KCNH1: variants seen among roughly 807,000 people sequenced by gnomAD.
KCNH1 encodes the protein voltage-gated delayed rectifier potassium channel KCNH1.
In KCNH1, 27 loss-of-function variants were observed where a neutral mutation model predicts 69.2. The ratio of observed to expected loss-of-function variants is 0.39; its 90% confidence interval spans 0.29 to 0.54. The LOEUF (loss-of-function observed/expected upper bound fraction) is 0.54. Ranked by LOEUF, KCNH1 falls within the 20% of genes least tolerant of loss-of-function variation. The pLI is 0.68. For missense variants in KCNH1, 798 were observed against 1,261.6 expected (o/e 0.63, Z 5.57); for synonymous variants, 456 against 487.7 (o/e 0.93, Z 0.86).
chr1:210,950,215 TC>T (rs980724583), intron 6 of KCNH1, among the ~76,000 whole-genome samples: 3 of 151,454 alleles, frequency 2.0e-5, no homozygotes, highest in Non-Finnish European at 4.4e-5. Context: ...AGTTTAGATT[TC>T]TTTTTTTTTT....
chr1:210,905,378 T>C (rs1469949331), intron 7 of KCNH1, among the ~76,000 whole-genome samples: 1 of 152,196 alleles, frequency 6.6e-6, no homozygotes, highest in African/African-American at 2.4e-5. Context: ...GTCATTATCC[T>C]GACTGCTCCA....
At chr1:210,841,016 A>C (rs536747448) in intron 7 of KCNH1, among the ~76,000 whole-genome samples, 2 of 152,270 alleles carry the variant, frequency 1.3e-5, no homozygotes, top group East Asian at 3.9e-4. Flanking sequence ...GACAGGACAG[A>C]GATGGGGCAA....
chr1:211,007,805 C>T (rs1689313546), intron 6 of KCNH1, among the ~76,000 whole-genome samples: 1 of 152,172 alleles, frequency 6.6e-6, no homozygotes, highest in Non-Finnish European at 1.5e-5. Context: ...ATAAAATGAT[C>T]TCAAAGTTCT....
chr1:210,830,573 C>T (rs1398427342), intron 7 of KCNH1, among the ~76,000 whole-genome samples: 3 of 151,912 alleles, frequency 2.0e-5, no homozygotes, highest in Non-Finnish European at 2.9e-5. Flanking sequence ...AGAAAAGAAA[C>T]CAGCTGCTCC....
intron 6 of KCNH1, among the ~76,000 whole-genome samples, chr1:210,981,039 A>T (rs1297017187): frequency 6.6e-6 from 1 of 152,102 alleles, no homozygotes; most frequent in Non-Finnish European, 1.5e-5. Context: ...CATAATAGGA[A>T]CTCTTATATC....
Position 210,776,971 on chromosome 1 carries a change from A to C in KCNH1, c.1916-1427T>G, listed in dbSNP as rs577979749. On this transcript the variant is annotated intron_variant, in intron 9 of 10. Transcript: ENST00000271751. ...TTGCCTCTAAATTTTCAGCACGATA[A>C]ACACAAATTTGAATCCCCAGGGAGC... Among the ~76,000 whole-genome samples the C allele has an allele frequency of 2.1e-4, 32 of 152,328 alleles. 1 individual carries two copies. The South Asian group carries it at 5.0e-3, about 24-fold the overall frequency.
chr1:210,987,396 C>A (rs1688861072), intron 6 of KCNH1, among the ~76,000 whole-genome samples: 1 of 152,162 alleles, frequency 6.6e-6, no homozygotes, highest in Non-Finnish European at 1.5e-5. Flanking sequence ...GCTCTGTTTT[C>A]TTCCCATCTT....
At chr1:211,056,840 C>G (rs971572303) in intron 5 of KCNH1, among the ~76,000 whole-genome samples, 3 of 152,212 alleles carry the variant, frequency 2.0e-5, no homozygotes, top group Non-Finnish European at 4.4e-5. Context: ...TGGGGTGTGC[C>G]CTTATGCAGG....
intron 7 of KCNH1, among the ~76,000 whole-genome samples, chr1:210,808,976 C>G (rs1684642790): frequency 6.6e-6 from 1 of 152,028 alleles, no homozygotes; most frequent in South Asian, 2.1e-4. Context: ...TTGGGTCCTT[C>G]TATTTTCAGA....
intron 6 of KCNH1, among the ~76,000 whole-genome samples, chr1:210,949,516 C>A (rs769246559): frequency 6.6e-6 from 1 of 152,184 alleles, no homozygotes; most frequent in African/African-American, 2.4e-5. Flanking sequence ...ATTGTTACGT[C>A]CCAGTCTGTT....
intron 5 of KCNH1, among the ~76,000 whole-genome samples, chr1:211,045,980 C>T (rs368976424): frequency 1.6e-4 from 24 of 152,248 alleles, no homozygotes; most frequent in East Asian, 1.2e-3. Context: ...ATAACGTCCT[C>T]CAGTTTCATC....
intron 3 of KCNH1, among the ~76,000 whole-genome samples, chr1:211,096,067 A>T (rs1313996759): frequency 6.6e-6 from 1 of 151,770 alleles, no homozygotes; most frequent in Non-Finnish European, 1.5e-5. Flanking sequence ...TTATTTATTT[A>T]TTTATTTATT....
At chr1:210,794,791 T>G (rs561696714) in intron 9 of KCNH1, among the ~76,000 whole-genome samples, 1 of 152,242 alleles carries the variant, frequency 6.6e-6, no homozygotes, top group South Asian at 2.1e-4. Flanking sequence ...AAATCCAAAT[T>G]TAAAGGATTG....
At chr1:211,051,344 G>C (rs12117019) in intron 5 of KCNH1, among the ~76,000 whole-genome samples, 1 of 151,996 alleles carries the variant, frequency 6.6e-6, no homozygotes, top group African/African-American at 2.4e-5. Flanking sequence ...TAATGGAGGC[G>C]GCAAACCTGA....
At chr1:210,998,388 A>G (rs2102397184) in intron 6 of KCNH1, among the ~76,000 whole-genome samples, 1 of 152,338 alleles carries the variant, frequency 6.6e-6, no homozygotes, top group African/African-American at 2.4e-5. Flanking sequence ...CAAACTTTAA[A>G]GCAACAAAGA....
intron 5 of KCNH1, among the ~76,000 whole-genome samples, chr1:211,033,156 A>G (rs1689824170): frequency 6.6e-6 from 1 of 152,258 alleles, no homozygotes; most frequent in Non-Finnish European, 1.5e-5. Context: ...AAGACACATG[A>G]AAAAATGCTC....
intron 6 of KCNH1, among the ~76,000 whole-genome samples, chr1:210,988,160 A>G (rs12043937): frequency 0.24 from 36,040 of 151,978 alleles, 5,837 homozygotes; most frequent in African/African-American, 0.45. Flanking sequence ...GGAGTGATCC[A>G]ATTTTCCAGG....
intron 1 of KCNH1, among the ~76,000 whole-genome samples, chr1:211,127,826 A>T (rs1691808688): frequency 1.3e-5 from 2 of 152,236 alleles, no homozygotes. Flanking sequence ...ACAGTTAAAC[A>T]TGTGCATCCT....
chr1:211,099,735 C>T (rs760522610), intron 3 of KCNH1, among the ~76,000 whole-genome samples: 3 of 152,184 alleles, frequency 2.0e-5, no homozygotes, highest in Non-Finnish European at 4.4e-5. Flanking sequence ...CCCAGCCAGA[C>T]ACTAGCAAGT....
Sources: allele counts gnomAD v4.1 joint callset (sites outside exome capture counted in the v4.1 genomes callset), GRCh38; gene constraint gnomAD v4.1.1; transcripts MANE v1.5; gene names NCBI Gene and HGNC (gene_info 2026-07-23, HGNC 2026-07-21).